ORC2: variants seen among roughly 807,000 people sequenced by gnomAD.
ORC2 encodes the protein origin recognition complex subunit 2.
ORC2 carries 37 observed loss-of-function variants against 77.7 expected under a neutral mutation model. That is an observed-to-expected ratio of 0.48 (90% CI 0.37 to 0.63). ORC2 has a LOEUF of 0.63. Ranked by LOEUF, ORC2 falls within the 20% of genes least tolerant of loss-of-function variation. The pLI, the probability that ORC2 is intolerant of heterozygous loss-of-function variation, is 0.00. For synonymous variants in ORC2, 201 were observed against 229.5 expected (o/e 0.88, Z 1.12); for missense variants, 557 against 661.9 (o/e 0.84, Z 1.74).
intron 8 of ORC2, among the ~76,000 whole-genome samples, chr2:200,936,817 A>G (rs1434914222): frequency 6.6e-6 from 1 of 152,198 alleles, no homozygotes; most frequent in Non-Finnish European, 1.5e-5. Context: ...CTAGTTTTAC[A>G]TTTATCAAAT....
intron 17 of ORC2, among the ~76,000 whole-genome samples, chr2:200,911,932 A>T (rs1019948464): frequency 2.0e-5 from 3 of 152,216 alleles, no homozygotes; most frequent in Non-Finnish European, 4.4e-5. Context: ...TGCTTAGACC[A>T]TCAGGAATTT....
chr2:200,948,124 A>G (rs1452492886), intron 5 of ORC2, among the ~76,000 whole-genome samples: 1 of 151,426 alleles, frequency 6.6e-6, no homozygotes, highest in Non-Finnish European at 1.5e-5. Context: ...TGTGTTAGCC[A>G]GGATGGTCTC....
At chr2:200,928,580 G>A (rs1179376476) in intron 11 of ORC2, among the ~76,000 whole-genome samples, 6 of 151,892 alleles carry the variant, frequency 4.0e-5, no homozygotes, top group African/African-American at 1.5e-4. Flanking sequence ...TTGGGAGGCC[G>A]AGGCGGGCGG....
At chr2:200,917,167 T>A (rs186225874) in intron 15 of ORC2, among the ~76,000 whole-genome samples, 18 of 151,722 alleles carry the variant, frequency 1.2e-4, no homozygotes, top group Admixed American at 1.1e-3. Flanking sequence ...GCTGATTTTT[T>A]AATTTTTAGT....
At chr2:200,948,118 T>G (rs1172978003) in intron 5 of ORC2, among the ~76,000 whole-genome samples, 1 of 151,992 alleles carries the variant, frequency 6.6e-6, no homozygotes, top group Non-Finnish European at 1.5e-5. Flanking sequence ...TTTCACTGTG[T>G]TAGCCAGGAT....
At chr2:200,940,781 G>A (rs992769743) in intron 7 of ORC2, among the ~76,000 whole-genome samples, 1 of 151,996 alleles carries the variant, frequency 6.6e-6, no homozygotes, top group South Asian at 2.1e-4. Context: ...CAGCCTGGGC[G>A]ACAGAGTAAG....
intron 16 of ORC2, 192 bp from the exon 17 acceptor site, chr2:200,913,605 G>A (rs2124925308): frequency 7.8e-7 from 1 of 1,284,428 alleles, no homozygotes; most frequent in Non-Finnish European, 9.8e-7. Context: ...AATGTTTGTT[G>A]AAATCATTTT....
intron 15 of ORC2, 40 bp downstream of exon 15, chr2:200,920,182 T>C: frequency 6.6e-7 from 1 of 1,507,584 alleles, no homozygotes; most frequent in South Asian, 1.2e-5. Flanking sequence ...TATCTTAAAA[T>C]GTATAGTTTT....
At chr2:200,922,913 AAATT>A (rs1031281463) in intron 13 of ORC2, among the ~76,000 whole-genome samples, 6 of 152,238 alleles carry the variant, frequency 3.9e-5, no homozygotes, top group African/African-American at 7.2e-5. Flanking sequence ...AAACAAGGCA[AAATT>A]ATTATAGGAA....
chr2:200,961,937 T>C (rs2041582254), intron 1 of ORC2, among the ~76,000 whole-genome samples: 2 of 152,196 alleles, frequency 1.3e-5, no homozygotes, highest in Admixed American at 1.3e-4. Context: ...TCTAGGAAAA[T>C]TTAAAAACAA....
intron 4 of ORC2, among the ~76,000 whole-genome samples, chr2:200,952,830 G>T (rs1272111262): frequency 6.6e-6 from 1 of 151,292 alleles, no homozygotes; most frequent in Non-Finnish European, 1.5e-5. Flanking sequence ...AAAAAAGCAG[G>T]CTGGGCATAA....
intron 15 of ORC2, among the ~76,000 whole-genome samples, chr2:200,918,216 C>T (rs2040692446): frequency 6.6e-6 from 1 of 152,198 alleles, no homozygotes; most frequent in African/African-American, 2.4e-5. Context: ...GCTGCCAATG[C>T]TGCTTCTAAA....
intron 11 of ORC2, among the ~76,000 whole-genome samples, chr2:200,929,044 C>T (rs1437843922): frequency 1.3e-5 from 2 of 151,900 alleles, no homozygotes; most frequent in African/African-American, 2.4e-5. Flanking sequence ...CACTGCCTCC[C>T]GCGTTCAAGC....
chr2:200,921,199 G>T, intron 13 of ORC2, 60 bp from the exon 14 acceptor site: 2 of 1,167,400 alleles, frequency 1.7e-6, no homozygotes, highest in Non-Finnish European at 2.4e-6. Flanking sequence ...TCACTCTGTT[G>T]CCTAGGCTAG....
intron 10 of ORC2, among the ~76,000 whole-genome samples, chr2:200,932,970 C>T (rs1049376078): frequency 2.6e-5 from 4 of 152,158 alleles, no homozygotes; most frequent in Non-Finnish European, 5.9e-5. Flanking sequence ...GAAAGGCTTT[C>T]GTCTCCCTCA....
chr2:200,943,741 C>G (rs1372802901), intron 5 of ORC2, among the ~76,000 whole-genome samples: 1 of 152,014 alleles, frequency 6.6e-6, no homozygotes, highest in African/African-American at 2.4e-5. Context: ...ACAATCTCTA[C>G]AAATGAATTG....
At position 200,942,689 on chromosome 2, in the gene ORC2, G is replaced by A. The variant is rs747376311; in HGVS notation, c.417C>T (p.Ser139=). Residue 139 remains serine (S), a synonymous_variant, in exon 6 of 18, where the codon AGC becomes AGT. Transcript: ENST00000234296. Reference sequence around the variant, plus strand: ...AGAACTAATGTAATGTCTTACCCTTGCTACTTTGAGGAACGTTTATCGTAA... The same window carrying A: ...AGAACTAATGTAATGTCTTACCCTTACTACTTTGAGGAACGTTTATCGTAA... The part of the protein sequence containing the change: ...PEITINVPQS[S]KGHSASDKVQ... The A allele has an allele frequency of 3.8e-6, 6 of 1,578,370 alleles. No individual in the cohort carries two copies. In the East Asian group the frequency reaches 6.8e-5, roughly 18 times the overall value.
intron 10 of ORC2, among the ~76,000 whole-genome samples, chr2:200,932,334 CTTT>C (rs869076427): frequency 8.3e-6 from 1 of 120,158 alleles, no homozygotes. Flanking sequence ...TCATTTCAAA[CTTT>C]TTTTTTTTTT....
intron 4 of ORC2, among the ~76,000 whole-genome samples, chr2:200,952,108 G>A (rs2041368161): frequency 6.6e-6 from 1 of 151,772 alleles, no homozygotes; most frequent in Non-Finnish European, 1.5e-5. Flanking sequence ...TTCATCACTA[G>A]CCCAGTGATC....
Sources: allele counts gnomAD v4.1 joint callset (sites outside exome capture counted in the v4.1 genomes callset), GRCh38; gene constraint gnomAD v4.1.1; transcripts MANE v1.5; gene names NCBI Gene and HGNC (gene_info 2026-07-23, HGNC 2026-07-21).